The following THSD4 variants were observed in gnomAD, a reference collection of about 807,000 sequenced individuals.
THSD4 encodes the protein thrombospondin type-1 domain-containing protein 4.
THSD4 carries 69 observed loss-of-function variants against 119.0 expected under a neutral mutation model. The ratio of observed to expected loss-of-function variants is 0.58; its 90% CI spans 0.48 to 0.71. THSD4 has a LOEUF of 0.71. Ranked by LOEUF, THSD4 falls within the 30% of genes least tolerant of loss-of-function variation. The pLI is 0.00. For missense variants in THSD4, 1,393 were observed against 1,391.1 expected (o/e 1.00, Z -0.02); for synonymous variants, 524 against 540.4 (o/e 0.97, Z 0.42).
intron 7 of THSD4, among the ~76,000 whole-genome samples, chr15:71,630,522 A>G (rs1214854748): frequency 6.6e-6 from 1 of 152,218 alleles, no homozygotes; most frequent in Non-Finnish European, 1.5e-5. Flanking sequence ...ATGACTGTGC[A>G]ATAGAATACA....
At chr15:71,674,278 A>T (rs2051594509) in intron 8 of THSD4, among the ~76,000 whole-genome samples, 1 of 152,108 alleles carries the variant, frequency 6.6e-6, no homozygotes, top group Non-Finnish European at 1.5e-5. Flanking sequence ...TGCCCATTGA[A>T]ATTGGTCTTT....
chr15:71,411,527 G>A (rs1351459701), intron 6 of THSD4, among the ~76,000 whole-genome samples, 160 bp from the exon 7 acceptor site: 2 of 152,064 alleles, frequency 1.3e-5, no homozygotes, highest in Non-Finnish European at 2.9e-5. Flanking sequence ...ATGAATATAC[G>A]AAGACTTATT....
intron 8 of THSD4, among the ~76,000 whole-genome samples, chr15:71,722,071 T>A (rs527535729): frequency 6.6e-6 from 1 of 152,274 alleles, no homozygotes; most frequent in East Asian, 1.9e-4. Flanking sequence ...ACAGGCTTTG[T>A]TAAAGCTTGA....
chr15:71,500,643 T>A (rs2048096858), intron 7 of THSD4, among the ~76,000 whole-genome samples: 1 of 152,256 alleles, frequency 6.6e-6, no homozygotes, highest in Non-Finnish European at 1.5e-5. Flanking sequence ...CGTTTTCAGT[T>A]AATTTTTGTA....
At chr15:71,579,395 A>G (rs2049516938) in intron 7 of THSD4, among the ~76,000 whole-genome samples, 1 of 152,234 alleles carries the variant, frequency 6.6e-6, no homozygotes, top group African/African-American at 2.4e-5. Context: ...TCTGCGTAGC[A>G]GAAGCCTATG....
intron 6 of THSD4, among the ~76,000 whole-genome samples, chr15:71,373,421 C>G (rs139350603): frequency 2.0e-5 from 3 of 152,202 alleles, no homozygotes; most frequent in African/African-American, 7.2e-5. Flanking sequence ...CTAACTTGAA[C>G]TTACATGACT....
At chr15:71,190,315 G>A (rs1265382973) in intron 3 of THSD4, among the ~76,000 whole-genome samples, 1 of 152,192 alleles carries the variant, frequency 6.6e-6, no homozygotes, top group Non-Finnish European at 1.5e-5. Context: ...TTCATGAGAG[G>A]GAACCCCCTG....
chr15:71,311,104 C>A (rs2045104840), intron 6 of THSD4, among the ~76,000 whole-genome samples: 1 of 152,184 alleles, frequency 6.6e-6, no homozygotes, highest in Non-Finnish European at 1.5e-5. Flanking sequence ...TTCTTAACTT[C>A]TATCCCTTGG....
At chr15:71,453,970 C>T (rs1423675381) in intron 7 of THSD4, among the ~76,000 whole-genome samples, 1 of 152,170 alleles carries the variant, frequency 6.6e-6, no homozygotes, top group East Asian at 1.9e-4. Flanking sequence ...TAAAACCACT[C>T]TTTCAGCTGG....
intron 8 of THSD4, among the ~76,000 whole-genome samples, chr15:71,674,690 G>C (rs1250438315): frequency 6.6e-6 from 1 of 152,114 alleles, no homozygotes; most frequent in African/African-American, 2.4e-5. Flanking sequence ...GTGTCAACTA[G>C]GGACTATTCT....
chr15:71,698,728 A>T (rs895553860), intron 8 of THSD4, among the ~76,000 whole-genome samples: 4 of 151,550 alleles, frequency 2.6e-5, no homozygotes, highest in African/African-American at 9.7e-5. Flanking sequence ...CCAATGGAAT[A>T]TTATTAAGCC....
At chr15:71,507,074 T>G (rs545561717) in intron 7 of THSD4, among the ~76,000 whole-genome samples, 28 of 152,284 alleles carry the variant, frequency 1.8e-4, no homozygotes, top group African/African-American at 6.3e-4. Context: ...TAGATGTGTA[T>G]TAGGCAAATT....
At chr15:71,568,681 G>A (rs981931223) in intron 7 of THSD4, among the ~76,000 whole-genome samples, 16 of 151,072 alleles carry the variant, frequency 1.1e-4, no homozygotes, top group Non-Finnish European at 2.2e-4. Flanking sequence ...ATGTTGGTGC[G>A]CTGCACCCAT....
At chr15:71,513,246 T>A (rs1045750796) in intron 7 of THSD4, among the ~76,000 whole-genome samples, 1 of 152,230 alleles carries the variant, frequency 6.6e-6, no homozygotes, top group African/African-American at 2.4e-5. Context: ...CTGTTCCTTG[T>A]ACATAGCGGG....
intron 6 of THSD4, among the ~76,000 whole-genome samples, chr15:71,303,926 C>T (rs1051501528): frequency 2.6e-5 from 4 of 152,116 alleles, no homozygotes; most frequent in South Asian, 2.1e-4. Flanking sequence ...TTTGCCTAGC[C>T]CAAAGCAGGC....
intron 6 of THSD4, among the ~76,000 whole-genome samples, chr15:71,388,533 A>G (rs1028220942): frequency 3.9e-5 from 6 of 152,182 alleles, no homozygotes; most frequent in African/African-American, 1.2e-4. Context: ...GAAGGGGGGA[A>G]AAATAAAAAC....
chr15:71,311,911 G>A (rs10851838), intron 6 of THSD4, among the ~76,000 whole-genome samples: 84,247 of 151,874 alleles, frequency 0.55, 24,251 homozygotes, highest in East Asian at 0.71. Context: ...CAGCTGGGCA[G>A]CTGCAGCCAC....
chr15:71,098,077 A>C (rs2040238818), intron 1 of THSD4, among the ~76,000 whole-genome samples: 1 of 152,044 alleles, frequency 6.6e-6, no homozygotes, highest in Non-Finnish European at 1.5e-5. Flanking sequence ...CAGATCTGTG[A>C]GCACACTGTG....
At chr15:71,462,414 A>G (rs547947510) in intron 7 of THSD4, among the ~76,000 whole-genome samples, 25 of 152,268 alleles carry the variant, frequency 1.6e-4, no homozygotes, top group Middle Eastern at 3.4e-3. Context: ...GCACCACCCA[A>G]AATGTTGGGA....
Sources: gnomAD v4.1 joint callset for allele counts (sites outside exome capture counted in the v4.1 genomes callset) on GRCh38, gnomAD v4.1.1 for gene constraint, MANE v1.5 for transcripts, NCBI Gene and HGNC (gene_info 2026-07-23, HGNC 2026-07-21) for gene names.